AOAH: variants seen among roughly 807,000 people sequenced by gnomAD.
AOAH encodes the protein acyloxyacyl hydrolase (neutrophil).
AOAH carries 64 observed loss-of-function variants against 92.2 expected under a neutral mutation model. That is an observed-to-expected ratio of 0.69 (90% CI 0.57 to 0.86). The LOEUF (loss-of-function observed/expected upper bound fraction) is 0.86, where lower values mean the gene tolerates loss of function less well. Ranked by LOEUF, AOAH falls within the 40% of genes least tolerant of loss-of-function variation. AOAH has a pLI of 0.00. For synonymous variants in AOAH, 263 were observed against 254.5 expected, an observed-to-expected ratio of 1.03 and a Z score of -0.32; for missense variants, 656 against 694.6, an observed-to-expected ratio of 0.94 and a Z score of 0.62.
intron 11 of AOAH, among the ~76,000 whole-genome samples, chr7:36,596,971 T>A (rs1018604665): frequency 6.6e-6 from 1 of 152,182 alleles, no homozygotes; most frequent in African/African-American, 2.4e-5. Flanking sequence ...TCCCATGATA[T>A]CCTGTATATT....
At chr7:36,667,315 G>A (rs1795606513) in intron 3 of AOAH, among the ~76,000 whole-genome samples, 1 of 152,316 alleles carries the variant, frequency 6.6e-6, no homozygotes, top group Middle Eastern at 3.4e-3. Context: ...GCATACCCAT[G>A]CTGTATACAC....
intron 11 of AOAH, among the ~76,000 whole-genome samples, chr7:36,601,313 T>C (rs1183995507): frequency 6.6e-6 from 1 of 152,016 alleles, no homozygotes; most frequent in African/African-American, 2.4e-5. Flanking sequence ...GGAAAGTCCC[T>C]GTGGCCCTAT....
At chr7:36,548,807 C>A in intron 14 of AOAH, 121 bp from the exon 15 acceptor site, 1 of 750,992 alleles carries the variant, frequency 1.3e-6, no homozygotes, top group Non-Finnish European at 2.3e-6. Context: ...CAACTTTTTG[C>A]TATTTTTCTT....
intron 20 of AOAH, 61 bp downstream of exon 20, chr7:36,521,978 A>C: frequency 7.1e-7 from 1 of 1,411,478 alleles, no homozygotes; most frequent in Non-Finnish European, 1.0e-6. Context: ...ATGTGTAACC[A>C]TAATTAAAAA....
At chr7:36,581,898 C>T (rs978928151) in intron 12 of AOAH, among the ~76,000 whole-genome samples, 8 of 152,236 alleles carry the variant, frequency 5.3e-5, no homozygotes, top group African/African-American at 1.4e-4. Context: ...ATCCCCATCC[C>T]GAATCTATAA....
intron 1 of AOAH, among the ~76,000 whole-genome samples, chr7:36,709,298 G>A (rs1798618050): frequency 6.6e-6 from 1 of 152,046 alleles, no homozygotes; most frequent in Admixed American, 6.6e-5. Context: ...TAAACCAGCT[G>A]GTTTTTGCAG....
intron 20 of AOAH, among the ~76,000 whole-genome samples, chr7:36,520,645 C>A (rs1018213467): frequency 6.7e-6 from 1 of 148,558 alleles, no homozygotes; most frequent in African/African-American, 2.5e-5. Flanking sequence ...GCGGAGGTTG[C>A]GGTGAGCGGA....
At chr7:36,637,475 C>A in intron 5 of AOAH, among the ~76,000 whole-genome samples, 1 of 151,930 alleles carries the variant, frequency 6.6e-6, no homozygotes, top group East Asian at 1.9e-4. Flanking sequence ...TTTTGCCTTC[C>A]AGGGGACATT....
At chr7:36,709,495 A>C (rs1002882551) in intron 1 of AOAH, among the ~76,000 whole-genome samples, 15 of 152,180 alleles carry the variant, frequency 9.9e-5, no homozygotes, top group African/African-American at 3.6e-4. Context: ...AATGCTTGTG[A>C]TAATTTTTCC....
At chr7:36,606,305 T>C (rs1790998592) in intron 11 of AOAH, among the ~76,000 whole-genome samples, 1 of 152,154 alleles carries the variant, frequency 6.6e-6, no homozygotes, top group African/African-American at 2.4e-5. Context: ...ATATACAAAA[T>C]CATCTCAAAG....
At chr7:36,563,503 T>A (rs1436418901) in intron 13 of AOAH, among the ~76,000 whole-genome samples, 2 of 152,186 alleles carry the variant, frequency 1.3e-5, no homozygotes, top group Non-Finnish European at 2.9e-5. Context: ...TGCTATTTAA[T>A]TTCCAGAGTG....
At chr7:36,648,557 T>C (rs1487978220) in intron 4 of AOAH, among the ~76,000 whole-genome samples, 1 of 152,098 alleles carries the variant, frequency 6.6e-6, no homozygotes, top group African/African-American at 2.4e-5. Flanking sequence ...ACTAGTCAGA[T>C]GTATTAGTAT....
intron 2 of AOAH, among the ~76,000 whole-genome samples, chr7:36,677,431 A>G (rs1796323936): frequency 6.6e-6 from 1 of 152,200 alleles, no homozygotes. Context: ...AAAAGAGAGA[A>G]TAATATGTGT....
At chr7:36,678,600 T>TGTGTGTGTGTGTGTGTGTGTGC (rs549317369) in intron 2 of AOAH, among the ~76,000 whole-genome samples, 6 of 131,090 alleles carry the variant, frequency 4.6e-5, no homozygotes, top group Admixed American at 7.7e-5. Flanking sequence ...TGTGTGTGTG[T>TGTGTGTGTGTGTGTGTGTGTGC]GCGCGCGCGC....
intron 1 of AOAH, among the ~76,000 whole-genome samples, chr7:36,717,218 G>C (rs566370476): frequency 6.6e-6 from 1 of 152,056 alleles, no homozygotes; most frequent in Admixed American, 6.5e-5. Flanking sequence ...TTGGAGCTGG[G>C]GTTGTTTGTG....
intron 4 of AOAH, among the ~76,000 whole-genome samples, chr7:36,654,137 A>G (rs913907633): frequency 8.6e-6 from 1 of 115,734 alleles, no homozygotes; most frequent in African/African-American, 2.6e-5. Flanking sequence ...GTACACACAC[A>G]CACACACAGC....
intron 7 of AOAH, 134 bp from the exon 8 acceptor site, chr7:36,621,914 A>C: frequency 1.3e-6 from 1 of 759,136 alleles, no homozygotes; most frequent in Middle Eastern, 2.4e-4. Context: ...ATCACTAAAG[A>C]GCACTAAGAA....
At chr7:36,517,784 A>G (rs564849352) in intron 20 of AOAH, among the ~76,000 whole-genome samples, 1 of 151,830 alleles carries the variant, frequency 6.6e-6, no homozygotes, top group African/African-American at 2.4e-5. Context: ...TATTTTTAGT[A>G]GAGATGGGGT....
chr7:36,598,123 T>G (rs567907514), intron 11 of AOAH: 1 of 152,166 alleles, frequency 6.6e-6, no homozygotes, highest in South Asian at 2.1e-4. Context: ...CAAGCTCAGT[T>G]CTCTGTGGAT....
Sources: gnomAD v4.1 joint callset for allele counts (sites outside exome capture counted in the v4.1 genomes callset) on GRCh38, gnomAD v4.1.1 for gene constraint, MANE v1.5 for transcripts, NCBI Gene and HGNC (gene_info 2026-07-23, HGNC 2026-07-21) for gene names.